The following WDHD1 variants were observed in gnomAD, a reference collection of about 807,000 sequenced individuals.
The protein encoded by WDHD1 is WD repeat and HMG-box DNA-binding protein 1.
A neutral mutation model predicts 135.4 loss-of-function variants in WDHD1; 111 were observed. The ratio of observed to expected loss-of-function variants is 0.82; its 90% CI spans 0.70 to 0.96. The LOEUF (loss-of-function observed/expected upper bound fraction) is 0.96. WDHD1 is among the 40% of genes least tolerant of loss of function. WDHD1 has a pLI of 0.00. For synonymous variants in WDHD1, 434 were observed against 439.0 expected, an observed-to-expected ratio of 0.99 and a Z score of 0.14; for missense variants, 1,351 against 1,336.3, an observed-to-expected ratio of 1.01 and a Z score of -0.17.
chr14:54,958,793 T>G (rs908386716), intron 21 of WDHD1, among the ~76,000 whole-genome samples: 2 of 152,196 alleles, frequency 1.3e-5, no homozygotes, highest in African/African-American at 4.8e-5. Flanking sequence ...TTCCCTAGGC[T>G]TAAGCTCATT....
chr14:54,966,163 C>T (rs865940813), intron 18 of WDHD1, among the ~76,000 whole-genome samples: 1 of 57,112 alleles, frequency 1.8e-5, no homozygotes, highest in African/African-American at 5.8e-5. Context: ...CCCATCTCTA[C>T]TAAAAAAAAA....
At position 55,013,194 on chromosome 14, in the gene WDHD1, C is replaced by CAAAAAAA. The variant is rs71448422; in HGVS notation, c.189+284_189+290dup. Among the ~76,000 whole-genome samples, 28 of 82,312 alleles carry CAAAAAAA rather than the reference C, an allele frequency of 3.4e-4. 1 individual carries two copies. Among genetic ancestry groups the CAAAAAAA allele is most frequent in the African/African-American group, 1.2e-3 (24 of 19,324 alleles). 54.0% of individuals were successfully genotyped at this position (82,312 alleles called of 152,430 possible). ...TGAGCAACATGGCAAGATCCCGTTTCAAAAAAAAAAAAAAAAAAAAAAAAT... is the reference window on the plus strand; with the variant it reads ...TGAGCAACATGGCAAGATCCCGTTTCAAAAAAAAAAAAAAAAAAAAAAAAAAAAAAAT... On this transcript the variant is annotated intron_variant, in intron 3 of 25. Coordinates refer to ENST00000360586, the MANE Select transcript of WDHD1 (RefSeq NM_007086.4).
At position 55,010,426 on chromosome 14, in the gene WDHD1, GTAT is replaced by G. The variant is rs1356492120; in HGVS notation, c.221_223del (p.Asn74del). 2.5e-6 allele frequency: 4 copies of G among 1,607,504 alleles called. No individual in the cohort carries two copies. The highest frequency in any genetic ancestry group is 2.2e-5 in the East Asian group (1 of 44,624). The stretch of plus-strand genomic sequence containing the variant: ...TTCAGGAAATGTGTGGACTTGAATA[GTAT>G]TATTAGAAACTGCAGTGACCAGTTT... On this transcript the variant is annotated inframe_deletion, in exon 4 of 26. Coordinates refer to ENST00000360586, the MANE Select transcript of WDHD1 (RefSeq NM_007086.4).
chr14:54,995,744 A>T lies in WDHD1; in HGVS notation c.1012T>A (p.Phe338Ile). 1 of 1,613,514 alleles carries T rather than the reference A, an allele frequency of 6.2e-7. No homozygotes were observed. Among genetic ancestry groups the T allele is most frequent in the Non-Finnish European group, 8.5e-7 (1 of 1,179,742 alleles). ...DGDDMSNAGD[F>I]LNDNAVEIPS... ...ATCTCAACTGCATTGTCATTTAGAA[A>T]ATCACCAGCATTACTCATATCATCT... Residue 338 changes from phenylalanine (F) to isoleucine (I), a missense_variant, in exon 11 of 26, where the codon TTT becomes ATT. Physicochemically the swap from Phe to Ile is conservative, Grantham distance 21. This residue lies in a region of WDHD1 where 1,330 missense variants were observed against 1,296.1 expected (regional missense o/e 1.03). Coordinates refer to ENST00000360586, the MANE Select transcript of WDHD1 (RefSeq NM_007086.4).
In WDHD1 at chr14:54,955,589, A is replaced by G; in HGVS notation, c.3022T>C (p.Cys1008Arg). The stretch of plus-strand genomic sequence containing the variant: ...TGGTTTTCAGTGTTTTGAGGAGGAC[A>G]TATAGCTGGGGTTTCAGATAATACA... The part of the protein sequence containing the change: ...KNVLSETPAI[C>R]PPQNTENQRP... Residue 1008 changes from cysteine (C) to arginine (R), a missense_variant, in exon 24 of 26, where the codon TGT becomes CGT. Cys to Arg is a radical substitution (Grantham distance 180). Transcript: ENST00000360586. 2.5e-6 allele frequency: 4 copies of G among 1,591,450 alleles called. No homozygotes were observed. Among genetic ancestry groups the G allele is most frequent in the East Asian group, 2.3e-5 (1 of 43,196 alleles).
chr14:55,006,593 C>T (rs538343964), intron 7 of WDHD1, among the ~76,000 whole-genome samples: 3 of 152,272 alleles, frequency 2.0e-5, no homozygotes, highest in African/African-American at 7.2e-5. Context: ...AATGAACATT[C>T]TCTTTCTTCC....
chr14:54,996,581 C>T (rs531022155), intron 10 of WDHD1, among the ~76,000 whole-genome samples: 1 of 152,206 alleles, frequency 6.6e-6, no homozygotes, highest in African/African-American at 2.4e-5. Flanking sequence ...GCCTGGGTGA[C>T]AGAGTGAGAC....
chr14:54,956,038 C>T (rs564326145), intron 23 of WDHD1, among the ~76,000 whole-genome samples: 24 of 151,754 alleles, frequency 1.6e-4, no homozygotes, highest in Admixed American at 3.3e-4. Flanking sequence ...GCTGGGATTA[C>T]AGGCACCTGC....
At chr14:54,998,509 C>T (rs1468406856) in intron 10 of WDHD1, among the ~76,000 whole-genome samples, 2 of 152,180 alleles carry the variant, frequency 1.3e-5, no homozygotes, top group African/African-American at 2.4e-5. Flanking sequence ...TTTTACAAGG[C>T]GTGCTATGAA....
rs74050267 is a variant in WDHD1 at position 54,957,785 on chromosome 14, T to G, written c.2702-150A>C. On this transcript the variant is annotated intron_variant, in intron 21 of 25. Coordinates refer to ENST00000360586, the MANE Select transcript of WDHD1 (RefSeq NM_007086.4). ...AAACTATTAACAACAGATATCCTCTTTCCTACTTCTAAGCCAAAATAAAAG... is the reference window on the plus strand; with the variant it reads ...AAACTATTAACAACAGATATCCTCTGTCCTACTTCTAAGCCAAAATAAAAG... 904 of 629,662 alleles carry G rather than the reference T, an allele frequency of 1.4e-3. 11 individuals are homozygous for G. In the African/African-American group the frequency reaches 0.016, roughly 11 times the overall value. 39.0% of individuals were successfully genotyped at this position (629,662 alleles called of 1,614,324 possible).
rs1355939203 is a variant in WDHD1, at chr14:54,963,002, C to G, written c.2481G>C (p.Gln827His). ...VEKAAELTAT[Q>H]VEEEEEEEDF... is the part of the protein sequence containing the mutation. Reference sequence around the variant, plus strand: ...CTTCTTCTTCTTCTTCCTCTTCCACCTGGGTTGCTGTCAATTCGGCTGCCT... The same window carrying G: ...CTTCTTCTTCTTCTTCCTCTTCCACGTGGGTTGCTGTCAATTCGGCTGCCT... Residue 827 changes from glutamine to histidine, a missense_variant, in exon 19 of 26, where the codon CAG becomes CAC. Around this residue, in one of 2 missense-constraint regions of WDHD1, gnomAD observed 1,330 missense variants for 1,296.1 expected, o/e 1.03. Coordinates refer to ENST00000360586, the MANE Select transcript of WDHD1 (RefSeq NM_007086.4). 6.2e-7 allele frequency: 1 copy of G among 1,613,748 alleles called. No individual in the cohort carries two copies. The highest frequency in any genetic ancestry group is 8.5e-7 in the Non-Finnish European group (1 of 1,179,916).
At chr14:55,023,578 T>C (rs1022185123) in intron 2 of WDHD1, among the ~76,000 whole-genome samples, 2 of 152,240 alleles carry the variant, frequency 1.3e-5, no homozygotes, top group Non-Finnish European at 2.9e-5. Flanking sequence ...ATGATTCCCA[T>C]GGTGTTATTC....
chr14:55,015,719 GAC>G (rs1382673307), intron 2 of WDHD1, among the ~76,000 whole-genome samples: 1 of 145,906 alleles, frequency 6.9e-6, no homozygotes, highest in Non-Finnish European at 1.5e-5. Context: ...TTTTTTTTGA[GAC>G]ACAGTCTCAC....
At chr14:54,980,972 G>A (rs28406982) in intron 16 of WDHD1, among the ~76,000 whole-genome samples, 10 of 151,804 alleles carry the variant, frequency 6.6e-5, no homozygotes, top group African/African-American at 7.3e-5. Context: ...TCAGCCAGGC[G>A]TGATGGTGCG....
At chr14:55,026,850 A>G in intron 1 of WDHD1, 47 bp from the exon 2 acceptor site, 1 of 1,590,738 alleles carries the variant, frequency 6.3e-7, no homozygotes, top group Non-Finnish European at 8.6e-7. Flanking sequence ...AAAAGAGAAA[A>G]GCAGCGAGGC....
chr14:55,022,294 C>T (rs537300914), intron 2 of WDHD1, among the ~76,000 whole-genome samples: 65 of 152,166 alleles, frequency 4.3e-4, no homozygotes, highest in South Asian at 3.5e-3. Flanking sequence ...CTTCAAGGCC[C>T]GGGGGTTAGT....
rs759451789 is a variant in WDHD1, at chr14:54,963,192, G to C, written c.2311-20C>G. 1.0e-4 allele frequency: 82 copies of C among 799,094 alleles called. 8 individuals are homozygous for C. The highest frequency in any genetic ancestry group is 3.2e-4 in the Admixed American group (15 of 47,538). 49.5% of individuals were successfully genotyped at this position (799,094 alleles called of 1,614,324 possible). On this transcript the variant is annotated intron_variant, in intron 18 of 25. Coordinates refer to ENST00000360586, the MANE Select transcript of WDHD1 (RefSeq NM_007086.4). ...AGAAAGCTAATCCAAAAAGGGGGGG[G>C]GGGGGGAGATCAAATAACATCAAGT...
At chr14:54,966,685 C>T (rs2041351578) in intron 17 of WDHD1, 79 bp from the exon 18 acceptor site, 1 of 1,402,352 alleles carries the variant, frequency 7.1e-7, no homozygotes, top group Non-Finnish European at 9.6e-7. Flanking sequence ...TCTTAAGATA[C>T]CAGTTTTTGA....
intron 24 of WDHD1, among the ~76,000 whole-genome samples, chr14:54,952,767 C>G (rs1446747336): frequency 6.6e-6 from 1 of 152,096 alleles, no homozygotes; most frequent in Non-Finnish European, 1.5e-5. Context: ...GTACTGGTAC[C>G]AAAACAGAGA....
Sources: allele counts gnomAD v4.1 joint callset (sites outside exome capture counted in the v4.1 genomes callset), GRCh38; gene constraint gnomAD v4.1.1; regional missense constraint gnomAD v4.1.1; transcripts MANE v1.5; gene names NCBI Gene and HGNC (gene_info 2026-07-23, HGNC 2026-07-21).